Variants in EML5 observed in about 807,000 individuals in gnomAD.
EML5 encodes echinoderm microtubule-associated protein-like 5.
EML5 carries 120 observed loss-of-function variants against 250.0 expected under a neutral mutation model. That is an observed-to-expected ratio of 0.48 (90% CI 0.41 to 0.56). The LOEUF is 0.56. EML5 is among the 20% of genes least tolerant of loss of function. The pLI is 0.00. For missense variants in EML5, 2,006 were observed against 2,437.6 expected, an observed-to-expected ratio of 0.82 and a Z score of 3.73; for synonymous variants, 771 against 806.5, an observed-to-expected ratio of 0.96 and a Z score of 0.75.
chr14:88,773,359 T>A lies in EML5; in HGVS notation c.198-18688A>T. On this transcript the variant is annotated intron_variant, in intron 1 of 43. Transcript: ENST00000554922. ...CACCAATAGAAAACAAAAACTTTGC[T>A]TGGTAATAAATCTCCAAACAGGGAA... is the stretch of plus-strand genomic sequence containing the variant. Among the ~76,000 whole-genome samples the A allele has an allele frequency of 1.3e-5, 2 of 152,236 alleles. 1 individual carries two copies. Among genetic ancestry groups the A allele is most frequent in the East Asian group, 3.8e-4 (2 of 5,200 alleles).
intron 1 of EML5, among the ~76,000 whole-genome samples, chr14:88,761,640 A>G (rs2094245490): frequency 6.6e-6 from 1 of 152,222 alleles, no homozygotes; most frequent in Admixed American, 6.5e-5. Flanking sequence ...TATTGTGAAC[A>G]GTGCTGTAAT....
chr14:88,692,483 A>C (rs2092983404), intron 17 of EML5, among the ~76,000 whole-genome samples: 1 of 152,184 alleles, frequency 6.6e-6, no homozygotes, highest in Non-Finnish European at 1.5e-5. Context: ...TAGCATTTAC[A>C]TTATATTAGG....
At chr14:88,770,761 C>G (rs2094383645) in intron 1 of EML5, among the ~76,000 whole-genome samples, 1 of 152,086 alleles carries the variant, frequency 6.6e-6, no homozygotes, top group Non-Finnish European at 1.5e-5. Flanking sequence ...AGTAAAAACT[C>G]AACATTTATG....
chr14:88,766,439 T>C (rs374987142), intron 1 of EML5, among the ~76,000 whole-genome samples: 1 of 152,162 alleles, frequency 6.6e-6, no homozygotes, highest in Admixed American at 6.5e-5. Context: ...CTTTTACAGT[T>C]GTGGATAAGG....
intron 21 of EML5, among the ~76,000 whole-genome samples, chr14:88,665,840 T>C (rs1042337929): frequency 2.0e-5 from 3 of 151,898 alleles, no homozygotes; most frequent in African/African-American, 7.3e-5. Context: ...CCCAGGAGGT[T>C]GAGGGTGCAG....
At chr14:88,664,231 T>G (rs1312515969) in intron 23 of EML5, among the ~76,000 whole-genome samples, 1 of 146,416 alleles carries the variant, frequency 6.8e-6, no homozygotes, top group Non-Finnish European at 1.5e-5. Context: ...GAACTGTGAT[T>G]GTACCACAGC....
intron 5 of EML5, 58 bp downstream of exon 5, chr14:88,740,329 T>A (rs949623854): frequency 1.2e-5 from 18 of 1,444,918 alleles, no homozygotes; most frequent in Non-Finnish European, 1.5e-5. Context: ...AGTCTATCAT[T>A]CTAAGACAAG....
intron 14 of EML5, among the ~76,000 whole-genome samples, chr14:88,698,203 T>C (rs12892032): frequency 0.11 from 16,477 of 151,576 alleles, 991 homozygotes; most frequent in African/African-American, 0.14. Context: ...TATAAAAACT[T>C]CTACAGAATT....
At chr14:88,748,897 G>GA (rs1210923949) in intron 2 of EML5, among the ~76,000 whole-genome samples, 1 of 149,000 alleles carries the variant, frequency 6.7e-6, no homozygotes, top group African/African-American at 2.5e-5. Flanking sequence ...GAAAGAAAAA[G>GA]AAAAAAAGAA....
At chr14:88,621,392 C>CA in intron 37 of EML5, 91 bp from the exon 38 acceptor site, 1 of 1,519,718 alleles carries the variant, frequency 6.6e-7, no homozygotes, top group African/African-American at 1.4e-5. Context: ...GACCTGCTTT[C>CA]AGAGAACTTT....
At chr14:88,754,799 A>AT in intron 1 of EML5, 128 bp from the exon 2 acceptor site, 1 of 865,650 alleles carries the variant, frequency 1.2e-6, no homozygotes, top group South Asian at 1.7e-5. Context: ...GACAATTTGG[A>AT]TTTTTTAAAA....
At chr14:88,710,317 C>G (rs2093384315) in intron 10 of EML5, among the ~76,000 whole-genome samples, 1 of 152,110 alleles carries the variant, frequency 6.6e-6, no homozygotes, top group African/African-American at 2.4e-5. Context: ...TTTTTTGTTT[C>G]AATTACAATG....
chr14:88,761,255 G>A (rs556614576), intron 1 of EML5, among the ~76,000 whole-genome samples: 1 of 151,912 alleles, frequency 6.6e-6, no homozygotes, highest in Admixed American at 6.6e-5. Flanking sequence ...AGAACGTGCA[G>A]GTTTGTTGCA....
At chr14:88,634,565 TAATTTA>T (rs1312100444) in intron 32 of EML5, 76 bp from the exon 33 acceptor site, 1 of 821,660 alleles carries the variant, frequency 1.2e-6, no homozygotes, top group African/African-American at 1.8e-5. Flanking sequence ...ATATTAATTA[TAATTTA>T]AACTATTATA....
intron 27 of EML5, among the ~76,000 whole-genome samples, chr14:88,656,287 A>G (rs2091866309): frequency 6.6e-6 from 1 of 152,228 alleles, no homozygotes. Context: ...CTATGCAGCC[A>G]TAAAAAAGGA....
chr14:88,777,404 C>A (rs2094456941), intron 1 of EML5, among the ~76,000 whole-genome samples: 1 of 152,126 alleles, frequency 6.6e-6, no homozygotes, highest in African/African-American at 2.4e-5. Context: ...GATTTCAACA[C>A]CAGACCTGTC....
At chr14:88,649,849 C>A in intron 28 of EML5, 63 bp downstream of exon 28, 1 of 1,290,912 alleles carries the variant, frequency 7.7e-7, no homozygotes, top group Non-Finnish European at 1.1e-6. Context: ...CCTTAAAATA[C>A]CATAAAGAAT....
intron 17 of EML5, 50 bp from the exon 18 acceptor site, chr14:88,688,523 T>G (rs1318121162): frequency 6.3e-7 from 1 of 1,581,532 alleles, no homozygotes; most frequent in Non-Finnish European, 8.6e-7. Flanking sequence ...ATGTACTCAA[T>G]TATAAAGAAG....
In EML5 at chr14:88,715,076, C is replaced by G. The variant is rs767491067; in HGVS notation, c.1307G>C (p.Gly436Ala). 39 of 1,613,708 alleles carry G rather than the reference C, an allele frequency of 2.4e-5. No individual in the cohort carries two copies. Among genetic ancestry groups the G allele is most frequent in the Non-Finnish European group, 3.1e-5 (36 of 1,179,832 alleles). Residue 436 changes from glycine to alanine, a missense_variant, in exon 9 of 44, where the codon GGA (glycine) becomes GCA (alanine). Physicochemically the swap from Gly to Ala is moderately conservative, Grantham distance 60. Transcript: ENST00000554922. ...GCNDSSVDIY[G>A]VAQRYKKVGE... ...AACTTTTTTATAACGCTGAGCAACT[C>G]CATAAATATCAACCGAGCTGTCATT...
Sources: gnomAD v4.1 joint callset for allele counts (sites outside exome capture counted in the v4.1 genomes callset) on GRCh38, gnomAD v4.1.1 for gene constraint, MANE v1.5 for transcripts, NCBI Gene and HGNC (gene_info 2026-07-23, HGNC 2026-07-21) for gene names.